ANKRD62: variants seen among roughly 807,000 people sequenced by gnomAD.
ANKRD62 encodes ankyrin repeat domain 62.
Under a neutral mutation model 98.8 loss-of-function variants are expected in ANKRD62, and 61 were observed. That is an observed-to-expected ratio of 0.62 (90% CI 0.50 to 0.76). The LOEUF is 0.76. ANKRD62 is among the 30% of genes least tolerant of loss of function. The pLI is 0.00. For synonymous variants in ANKRD62, 341 were observed against 367.9 expected, an observed-to-expected ratio of 0.93 and a Z score of 0.84; for missense variants, 933 against 1,082.9, an observed-to-expected ratio of 0.86 and a Z score of 1.94.
chr18:12,146,758 T>G, the ANKRD62 span, among the ~76,000 whole-genome samples: 1 of 152,306 alleles, frequency 6.6e-6, no homozygotes, highest in African/African-American at 2.4e-5. Context: ...ACTGCTTTTT[T>G]AAAGTGGGCT....
intron 8 of ANKRD62, among the ~76,000 whole-genome samples, chr18:12,109,170 C>T (rs992609257): frequency 3.3e-5 from 5 of 152,216 alleles, no homozygotes; most frequent in African/African-American, 1.2e-4. Flanking sequence ...CTGCACTGCC[C>T]TAGCAGAGGT....
chr18:12,107,025 A>T (rs571730389), intron 7 of ANKRD62, among the ~76,000 whole-genome samples: 1 of 152,270 alleles, frequency 6.6e-6, no homozygotes, highest in South Asian at 2.1e-4. Flanking sequence ...ATTAGACAGC[A>T]ATGGGAATAA....
chr18:12,138,644 G>T, the ANKRD62 span, among the ~76,000 whole-genome samples: 1 of 151,958 alleles, frequency 6.6e-6, no homozygotes, highest in South Asian at 2.1e-4. Flanking sequence ...TTGACAGTGG[G>T]GTGTTAAAGT....
chr18:12,173,918 A>C, the ANKRD62 span, among the ~76,000 whole-genome samples: 3 of 152,172 alleles, frequency 2.0e-5, no homozygotes, highest in Non-Finnish European at 4.4e-5. Flanking sequence ...AGCTGCCTTT[A>C]ACATTTTTCC....
Position 12,127,835 on chromosome 18 carries a change from C to G in ANKRD62, c.2650C>G (p.Arg884Gly), listed in dbSNP as rs903325079. 1 of 1,522,784 alleles carries G rather than the reference C, an allele frequency of 6.6e-7. No individual in the cohort carries two copies. Among genetic ancestry groups the G allele is most frequent in the Non-Finnish European group, 8.8e-7 (1 of 1,141,540 alleles). The allele number at this position is 1,522,784 out of a possible 1,614,324, so 94.3% of individuals were successfully genotyped here. A position where few individuals can be genotyped will look rare whatever the true frequency, so the allele number is the denominator to read the frequency against. ...LEAMLEISSE[R>G]RINLEDEAQS... ...AGCTATGCTAGAGATTTCATCAGAACGTCGTATTAATTTAGAAGATGAGGC... is the reference window on the plus strand; with the variant it reads ...AGCTATGCTAGAGATTTCATCAGAAGGTCGTATTAATTTAGAAGATGAGGC... The change falls in exon 14 of 14, where the codon CGT becomes GGT. Residue 884 changes from arginine to glycine, a missense_variant. Around this residue, in one of 3 missense-constraint regions of ANKRD62, gnomAD observed 362 missense variants for 434.5 expected, o/e 0.83. Transcript: ENST00000587848.
At chr18:12,094,733 T>C (rs1168873613) in intron 1 of ANKRD62, among the ~76,000 whole-genome samples, 1 of 38,740 alleles carries the variant, frequency 2.6e-5, no homozygotes, top group Non-Finnish European at 4.9e-5. Context: ...GGTGGGAGAC[T>C]GGTGGGAAGT....
chr18:12,136,358 A>G, the ANKRD62 span, among the ~76,000 whole-genome samples: 1 of 152,134 alleles, frequency 6.6e-6, no homozygotes, highest in South Asian at 2.1e-4. Context: ...AGTTGTAGAT[A>G]TGTGGCATTA....
rs1226769801 is a variant in ANKRD62 at position 12,115,498 on chromosome 18, A to T, written c.1204A>T (p.Met402Leu). 12 of 1,537,706 alleles carry T rather than the reference A, an allele frequency of 7.8e-6. No individual in the cohort carries two copies. Among genetic ancestry groups the T allele is most frequent in the Non-Finnish European group, 1.0e-5 (12 of 1,146,522 alleles). The change falls in exon 10 of 14, where the codon ATG becomes TTG. Residue 402 changes from methionine to leucine, a missense_variant. Transcript: ENST00000587848. The stretch of plus-strand genomic sequence containing the variant: ...GCCTTACTCTGATGATGAGAATTTT[A>T]TGTTACTCATTGAACAAAGTGGAAT... ...ELPYSDDENF[M>L]LLIEQSGMEC...
intron 6 of ANKRD62, chr18:12,102,486 C>T (rs1051399425): frequency 2.5e-6 from 1 of 407,066 alleles, no homozygotes; most frequent in Non-Finnish European, 4.7e-6. Context: ...TTCCTGAAAA[C>T]TCAAGGTCAT....
Position 12,127,882 on chromosome 18 carries a change from A to T in ANKRD62, c.2697A>T (p.Leu899Phe). The T allele has an allele frequency of 6.6e-7, 1 of 1,522,892 alleles. No homozygotes were observed. The allele number at this position is 1,522,892 out of a possible 1,614,324, so 94.3% of individuals were successfully genotyped here. ...EDEAQSLKKK[L>F]GQMRSQVCMK... ...AGGCACAAAGTTTAAAAAAGAAATT[A>T]GGCCAGATGAGAAGTCAAGTATGTA... The change falls in exon 14 of 14, where the codon TTA (leucine) becomes TTT (phenylalanine). Residue 899 changes from leucine to phenylalanine, a missense_variant. Around this residue, in one of 3 missense-constraint regions of ANKRD62, gnomAD observed 362 missense variants for 434.5 expected, o/e 0.83. Transcript: ENST00000587848.
the ANKRD62 span, among the ~76,000 whole-genome samples, chr18:12,146,834 G>A: frequency 1.3e-5 from 2 of 152,176 alleles, no homozygotes; most frequent in African/African-American, 2.4e-5. Context: ...CCCTGCCAGT[G>A]TCTGCCAGCC....
chr18:12,153,045 A>C, the ANKRD62 span, among the ~76,000 whole-genome samples: 2 of 152,348 alleles, frequency 1.3e-5, no homozygotes, highest in South Asian at 4.1e-4. Flanking sequence ...CAGGAATTCA[A>C]TCCCATTCAC....
At chr18:12,174,021 T>C in the ANKRD62 span, among the ~76,000 whole-genome samples, 93,312 of 152,048 alleles carry the variant, frequency 0.61, 29,076 homozygotes, top group Middle Eastern at 0.75. Flanking sequence ...ACATTTCCTA[T>C]ATTTGAATGT....
chr18:12,119,461 A>C (rs577509348), intron 10 of ANKRD62, among the ~76,000 whole-genome samples: 2 of 152,032 alleles, frequency 1.3e-5, no homozygotes, highest in African/African-American at 4.8e-5. Context: ...GTCCAAGGTC[A>C]AGGTGCTGTC....
At chr18:12,168,608 G>A in the ANKRD62 span, among the ~76,000 whole-genome samples, 1 of 152,108 alleles carries the variant, frequency 6.6e-6, no homozygotes, top group African/African-American at 2.4e-5. Flanking sequence ...GGATTGTCTT[G>A]GCAATGAAGG....
chr18:12,094,458 A>G (rs957869162), intron 1 of ANKRD62, among the ~76,000 whole-genome samples: 4 of 588 alleles, frequency 6.8e-3, no homozygotes, highest in African/African-American at 0.015. Context: ...TGTGGTAGGA[A>G]GTGGAGTTGG....
intron 11 of ANKRD62, 74 bp downstream of exon 11, chr18:12,122,590 C>G: frequency 1.0e-5 from 13 of 1,239,744 alleles, no homozygotes; most frequent in Non-Finnish European, 1.4e-5. Flanking sequence ...TTTGTAATAG[C>G]TGACTTACCT....
In ANKRD62 at chr18:12,107,316, T is replaced by G; in HGVS notation, c.913T>G (p.Cys305Gly). The part of the protein sequence containing the change: ...QPQVEEKMKK[C>G]RNKKMEVSRN... ...GAAGGTTGAAGAAAAAATGAAGAAA[T>G]GCAGAAATAAGAAAATGGAAGTGTC... The change falls in exon 8 of 14, where the codon TGC becomes GGC. Residue 305 changes from cysteine to glycine, a missense_variant. Cys to Gly is a radical substitution (Grantham distance 159). Transcript: ENST00000587848. 6.7e-7 allele frequency: 1 copy of G among 1,493,886 alleles called. No homozygotes were observed. Among genetic ancestry groups the G allele is most frequent in the Non-Finnish European group, 8.9e-7 (1 of 1,128,886 alleles). 92.5% of individuals were successfully genotyped at this position (1,493,886 alleles called of 1,614,324 possible). A position where few individuals can be genotyped will look rare whatever the true frequency, so the allele number is the denominator to read the frequency against.
chr18:12,132,053 C>T (rs1264252292), downstream of ANKRD62, among the ~76,000 whole-genome samples: 2 of 152,018 alleles, frequency 1.3e-5, no homozygotes, highest in African/African-American at 4.8e-5. Context: ...AATGATGACT[C>T]TCTCAACTTG....
Sources: allele counts gnomAD v4.1 joint callset (sites outside exome capture counted in the v4.1 genomes callset), GRCh38; gene constraint gnomAD v4.1.1; regional missense constraint gnomAD v4.1.1; transcripts MANE v1.5; gene names NCBI Gene and HGNC (gene_info 2026-07-23, HGNC 2026-07-21).